The following ASAP1 variants were observed in gnomAD, a reference collection of about 807,000 sequenced individuals.
ASAP1 encodes the protein arf-GAP with SH3 domain, ANK repeat and PH domain-containing protein 1.
ASAP1 carries 43 observed loss-of-function variants against 145.2 expected under a neutral mutation model. The ratio of observed to expected loss-of-function variants is 0.30; its 90% confidence interval spans 0.23 to 0.38. The LOEUF is 0.38. ASAP1 is among the 10% of genes least tolerant of loss of function. ASAP1 has a pLI of 1.00. For missense variants in ASAP1, 1,018 were observed against 1,355.3 expected (o/e 0.75, Z 3.91); for synonymous variants, 546 against 515.5 (o/e 1.06, Z -0.80).
intron 3 of ASAP1, among the ~76,000 whole-genome samples, chr8:130,352,230 T>TA (rs1554890638): frequency 4.0e-5 from 6 of 151,588 alleles, no homozygotes; most frequent in African/African-American, 1.2e-4. Flanking sequence ...TTTTTTTTTT[T>TA]AAGACTACAA....
At chr8:130,262,416 A>AAAAG (rs1819974520) in intron 3 of ASAP1, among the ~76,000 whole-genome samples, 26 of 57,872 alleles carry the variant, frequency 4.5e-4, no homozygotes, top group Non-Finnish European at 5.8e-4. Flanking sequence ...AAAAAAAAAA[A>AAAAG]AGAGAGAGAG....
chr8:130,111,563 A>G (rs1163378348), intron 24 of ASAP1, among the ~76,000 whole-genome samples: 4 of 152,214 alleles, frequency 2.6e-5, no homozygotes, highest in African/African-American at 9.6e-5. Context: ...TGATTACAAA[A>G]GAAGTACTAG....
intron 13 of ASAP1, among the ~76,000 whole-genome samples, chr8:130,146,498 G>T (rs1185188516): frequency 6.6e-6 from 1 of 152,084 alleles, no homozygotes. Context: ...TTGGAGCGAA[G>T]AAAAATATTC....
At chr8:130,350,899 T>C (rs1326922801) in intron 3 of ASAP1, among the ~76,000 whole-genome samples, 1 of 152,158 alleles carries the variant, frequency 6.6e-6, no homozygotes, top group East Asian at 1.9e-4. Context: ...TCTGGGCAGC[T>C]CATAGGCAAA....
intron 3 of ASAP1, among the ~76,000 whole-genome samples, chr8:130,327,559 G>T: frequency 6.6e-6 from 1 of 152,242 alleles, no homozygotes; most frequent in Non-Finnish European, 1.5e-5. Flanking sequence ...CTACTGAGAC[G>T]GGTAAAGAAG....
chr8:130,425,209 G>A (rs937926760), intron 1 of ASAP1, among the ~76,000 whole-genome samples: 7 of 151,924 alleles, frequency 4.6e-5, no homozygotes, highest in South Asian at 4.2e-4. Flanking sequence ...GCAGGCACCT[G>A]TAATCCCAGC....
rs11781272 is a variant in ASAP1, at chr8:130,054,602, C to G, written c.*129G>C. 0.068 allele frequency: 50,355 copies of G among 744,590 alleles called. 2,080 individuals are homozygous for G. Among genetic ancestry groups the G allele is most frequent in the Middle Eastern group, 0.088 (362 of 4,134 alleles). The allele number at this position is 744,590 out of a possible 1,614,324, so 46.1% of individuals were successfully genotyped here. A position where few individuals can be genotyped will look rare whatever the true frequency, so the allele number is the denominator to read the frequency against. On this transcript the variant is annotated 3_prime_UTR_variant, in exon 30 of 30. Coordinates refer to ENST00000518721, the MANE Select transcript of ASAP1 (RefSeq NM_018482.4). Reference sequence around the variant, plus strand: ...ATATTTACAACACACATTATATCCCCCTCCTGAGGTGGCCCTTCCATGAGT... The same window carrying G: ...ATATTTACAACACACATTATATCCCGCTCCTGAGGTGGCCCTTCCATGAGT...
At chr8:130,283,657 G>C (rs948848555) in intron 3 of ASAP1, among the ~76,000 whole-genome samples, 11 of 151,042 alleles carry the variant, frequency 7.3e-5, no homozygotes, top group Non-Finnish European at 1.2e-4. Context: ...AACAAAGGCA[G>C]GGATGTGTGG....
intron 8 of ASAP1, among the ~76,000 whole-genome samples, 197 bp from the exon 9 acceptor site, chr8:130,179,546 A>G (rs971540879): frequency 1.3e-5 from 2 of 152,170 alleles, no homozygotes; most frequent in African/African-American, 4.8e-5. Context: ...CATTTTATAA[A>G]TTATTTTATG....
intron 1 of ASAP1, among the ~76,000 whole-genome samples, chr8:130,408,947 T>C (rs1050114159): frequency 1.3e-5 from 2 of 152,170 alleles, no homozygotes; most frequent in African/African-American, 4.8e-5. Flanking sequence ...CATTTCCTGA[T>C]TGTTCATAGA....
At chr8:130,409,060 G>A (rs914550718) in intron 1 of ASAP1, among the ~76,000 whole-genome samples, 3 of 152,038 alleles carry the variant, frequency 2.0e-5, no homozygotes, top group Non-Finnish European at 2.9e-5. Flanking sequence ...TCAGGAGTTC[G>A]AGACCAGCCT....
chr8:130,425,861 A>C (rs542169745), intron 1 of ASAP1, among the ~76,000 whole-genome samples: 1 of 152,324 alleles, frequency 6.6e-6, no homozygotes, highest in East Asian at 1.9e-4. Flanking sequence ...TACAATGGCC[A>C]AGGTAGAACT....
chr8:130,236,511 C>T lies in ASAP1; in HGVS notation c.259+411G>A, dbSNP rs535787776. 2.1e-3 allele frequency among the ~76,000 whole-genome samples: 320 copies of T among 152,188 alleles called. 4 individuals carry two copies. The highest frequency in any genetic ancestry group is 6.8e-3 in the Middle Eastern group (2 of 294). ...TTTAACTTTGCCCCCTCCTCTCTAACTTTTTCCACAACCATCGCCAATATT... is the reference window on the plus strand; with the variant it reads ...TTTAACTTTGCCCCCTCCTCTCTAATTTTTTCCACAACCATCGCCAATATT... On this transcript the variant is annotated intron_variant, in intron 4 of 29. Transcript: ENST00000518721.
intron 4 of ASAP1, among the ~76,000 whole-genome samples, chr8:130,224,209 C>G (rs1429996114): frequency 6.6e-6 from 1 of 152,102 alleles, no homozygotes; most frequent in African/African-American, 2.4e-5. Flanking sequence ...AAAATACTTA[C>G]CAGCAGCCAT....
At chr8:130,136,564 T>A (rs1412869554) in intron 14 of ASAP1, among the ~76,000 whole-genome samples, 2 of 151,380 alleles carry the variant, frequency 1.3e-5, no homozygotes, top group Admixed American at 6.6e-5. Context: ...TAGTGGCTTT[T>A]TTTTTTTTTT....
chr8:130,349,877 C>T (rs991898350), intron 3 of ASAP1, among the ~76,000 whole-genome samples: 7 of 152,182 alleles, frequency 4.6e-5, no homozygotes, highest in Non-Finnish European at 8.8e-5. Flanking sequence ...GAGGCTTAGA[C>T]ATGAAGTGTA....
chr8:130,138,500 G>A (rs1012975832), intron 13 of ASAP1, among the ~76,000 whole-genome samples: 2 of 152,154 alleles, frequency 1.3e-5, no homozygotes, highest in African/African-American at 4.8e-5. Context: ...ACCAAACCTA[G>A]AAGGGGAGGC....
intron 3 of ASAP1, among the ~76,000 whole-genome samples, chr8:130,341,376 G>A (rs757005114): frequency 1.3e-5 from 2 of 152,136 alleles, no homozygotes; most frequent in Non-Finnish European, 2.9e-5. Flanking sequence ...GTGGGATCTT[G>A]GGTAAGAACT....
chr8:130,066,606 C>T (rs531520045), intron 27 of ASAP1, among the ~76,000 whole-genome samples: 2 of 151,142 alleles, frequency 1.3e-5, no homozygotes, highest in East Asian at 3.9e-4. Context: ...CTCCTTCCTT[C>T]CTTGTTTCTT....
Sources: allele counts gnomAD v4.1 joint callset (sites outside exome capture counted in the v4.1 genomes callset), GRCh38; gene constraint gnomAD v4.1.1; transcripts MANE v1.5; gene names NCBI Gene and HGNC (gene_info 2026-07-23, HGNC 2026-07-21).